The following CYP11A1 variants were observed in gnomAD, a reference collection of about 807,000 sequenced individuals.
CYP11A1 encodes cytochrome P450 family 11 subfamily A member 1, also known as cholesterol side-chain cleavage enzyme, mitochondrial.
Under a neutral mutation model 51.9 loss-of-function variants are expected in CYP11A1, and 25 were observed. The ratio of observed to expected loss-of-function variants is 0.48; its 90% CI spans 0.35 to 0.67. CYP11A1 has a LOEUF of 0.67. CYP11A1 is among the 30% of genes least tolerant of loss of function. CYP11A1 has a pLI of 0.00. For synonymous variants in CYP11A1, 245 were observed against 262.1 expected, an observed-to-expected ratio of 0.93 and a Z score of 0.63; for missense variants, 578 against 680.9, an observed-to-expected ratio of 0.85 and a Z score of 1.68.
intron 1 of CYP11A1, among the ~76,000 whole-genome samples, chr15:74,352,837 TAAAAATTGAGTACAGC>T (rs2060662245): frequency 6.6e-6 from 1 of 152,228 alleles, no homozygotes; most frequent in African/African-American, 2.4e-5. Flanking sequence ...TTGTTAAAAG[TAAAAATTGAGTACAGC>T]AAATGGGATA....
chr15:74,338,458 C>T (rs1330524785), intron 8 of CYP11A1, 113 bp downstream of exon 8: 11 of 1,106,386 alleles, frequency 9.9e-6, no homozygotes, highest in Non-Finnish European at 1.4e-5. Flanking sequence ...GAGGTAGATG[C>T]GCCCCAGCAC....
rs777744971 is a variant in CYP11A1 at position 74,342,986 on chromosome 15, C to T, written c.981G>A (p.Gly327=). Reference sequence around the variant, plus strand: ...CCTACAGCCACCTCACCGTGTCCACCCCTCCTGCCAGCATCTCTGTGACGT... The same window carrying T: ...CCTACAGCCACCTCACCGTGTCCACTCCTCCTGCCAGCATCTCTGTGACGT... ...KANVTEMLAG[G]VDTTSMTLQW... The change falls in exon 5 of 9, where the codon GGG becomes GGA. Residue 327 remains glycine (G), a synonymous_variant. Coordinates refer to ENST00000268053, the MANE Select transcript of CYP11A1 (RefSeq NM_000781.3). The T allele has an allele frequency of 3.7e-6, 6 of 1,612,260 alleles. No individual in the cohort carries two copies. The highest frequency in any genetic ancestry group is 1.1e-5 in the South Asian group (1 of 91,010).
At chr15:74,346,027 T>C (rs1336735908) in intron 2 of CYP11A1, among the ~76,000 whole-genome samples, 2 of 152,098 alleles carry the variant, frequency 1.3e-5, no homozygotes, top group African/African-American at 4.8e-5. Context: ...AAAGGTACTA[T>C]TACAAAATAT....
Position 74,338,531 on chromosome 15 carries a change from G to A in CYP11A1, c.1434+40C>T, listed in dbSNP as rs376136531. On this transcript the variant is annotated intron_variant, in intron 8 of 8. Coordinates refer to ENST00000268053, the MANE Select transcript of CYP11A1 (RefSeq NM_000781.3). Reference sequence around the variant, plus strand: ...AGATTGGTGCCTTCATTAGGGCCAGGGCCAGCCCAGGGTGCCTAGATGTCC... The same window carrying A: ...AGATTGGTGCCTTCATTAGGGCCAGAGCCAGCCCAGGGTGCCTAGATGTCC... 39 of 1,604,818 alleles carry A rather than the reference G, an allele frequency of 2.4e-5. No individual in the cohort carries two copies. In the African/African-American group the frequency reaches 4.4e-4, roughly 18 times the overall value.
At chr15:74,339,093 C>T in intron 7 of CYP11A1, 144 bp downstream of exon 7, 1 of 754,366 alleles carries the variant, frequency 1.3e-6, no homozygotes, top group East Asian at 2.7e-5. Flanking sequence ...GCCCACCATG[C>T]CCACCACCTC....
intron 1 of CYP11A1, chr15:74,361,884 T>C (rs1437328616): frequency 8.9e-7 from 1 of 1,121,486 alleles, no homozygotes; most frequent in East Asian, 2.4e-5. Context: ...CGGTTCCCAG[T>C]TTTTCATCTG....
At chr15:74,360,363 T>C (rs58102371) in intron 1 of CYP11A1, among the ~76,000 whole-genome samples, 4,015 of 151,798 alleles carry the variant, frequency 0.026, 184 homozygotes, top group African/African-American at 0.091. Flanking sequence ...TCACCCACAA[T>C]CTCCATCTCC....
rs535782968 is a variant in CYP11A1, at chr15:74,338,627, G to A, written c.1378C>T (p.Arg460Trp). Residue 460 changes from arginine (R) to tryptophan (W), a missense_variant, in exon 8 of 9, where the codon CGG becomes TGG. Arg to Trp is a moderately radical substitution (Grantham distance 101). Transcript: ENST00000268053. ...FRNLGFGWGV[R>W]QCLGRRIAEL... Reference sequence around the variant, plus strand: ...GCGATCCGCCGTCCCAGACACTGCCGCACACCCCAGCCAAAGCCCAAGTTC... The same window carrying A: ...GCGATCCGCCGTCCCAGACACTGCCACACACCCCAGCCAAAGCCCAAGTTC... 23 of 1,614,018 alleles carry A rather than the reference G, an allele frequency of 1.4e-5. No homozygotes were observed. Among genetic ancestry groups the A allele is most frequent in the Non-Finnish European group, 1.6e-5 (19 of 1,180,030 alleles).
Position 74,352,990 on chromosome 15 carries a change from G to A in CYP11A1, c.270-4935C>T, listed in dbSNP as rs2060662765. 2.0e-5 allele frequency among the ~76,000 whole-genome samples: 3 copies of A among 152,262 alleles called. No homozygotes were observed. In the South Asian group the frequency reaches 6.2e-4, roughly 32 times the overall value. On this transcript the variant is annotated intron_variant, in intron 1 of 8. Coordinates refer to ENST00000268053, the MANE Select transcript of CYP11A1 (RefSeq NM_000781.3). ...GGGGAAATATGTTTCTAAAATTGTG[G>A]AATTGTTCTTATCTATAAATGCCCA...
chr15:74,347,907 G>A lies in CYP11A1; in HGVS notation c.418C>T (p.Leu140=). The part of the protein sequence containing the change: ...HQYYQRPIGV[L]LKKSAAWKKD... ...AGATGGCCCAGGACTCACTTCAACA[G>A]GACTCCTATGGGTCTCTGGTAATAC... is the stretch of plus-strand genomic sequence containing the variant. The change falls in exon 2 of 9, where the codon CTG becomes TTG. Residue 140 remains leucine (L), a synonymous_variant. Coordinates refer to ENST00000268053, the MANE Select transcript of CYP11A1 (RefSeq NM_000781.3). The A allele has an allele frequency of 6.2e-7, 1 of 1,614,170 alleles. No homozygotes were observed. Among genetic ancestry groups the A allele is most frequent in the Non-Finnish European group, 8.5e-7 (1 of 1,180,010 alleles).
chr15:74,339,479 G>T, intron 6 of CYP11A1, 108 bp downstream of exon 6: 1 of 1,498,138 alleles, frequency 6.7e-7, no homozygotes, highest in Non-Finnish European at 9.2e-7. Flanking sequence ...TTCACTTCCT[G>T]CTTCCAACCT....
intron 7 of CYP11A1, 113 bp downstream of exon 7, chr15:74,339,124 A>G (rs1396158127): frequency 2.3e-6 from 2 of 878,664 alleles, no homozygotes; most frequent in South Asian, 1.4e-5. Context: ...TCAGACTTAG[A>G]CTGCTGCCAT....
In CYP11A1 at chr15:74,339,679, C is replaced by T. The variant is rs971869342; in HGVS notation, c.1065G>A (p.Glu355=). 3.7e-6 allele frequency: 6 copies of T among 1,614,166 alleles called. No homozygotes were observed. The highest frequency in any genetic ancestry group is 1.3e-5 in the African/African-American group (1 of 75,036). Residue 355 remains glutamate (E), a synonymous_variant, in exon 6 of 9, where the codon GAG becomes GAA. Transcript: ENST00000268053. ...GGGCCTGGTGCCGCGCAGCCAAGAC[C>T]TCTGCCCGCAGCATATCCTGCACCT... is the stretch of plus-strand genomic sequence containing the variant. ...NLKVQDMLRA[E]VLAARHQAQG...
At chr15:74,362,883 T>C (rs1168373145) in intron 1 of CYP11A1, 1 of 152,186 alleles carries the variant, frequency 6.6e-6, no homozygotes, top group African/African-American at 2.4e-5. Flanking sequence ...TGTAAGAAAC[T>C]TTAATGGTAG....
Position 74,366,458 on chromosome 15 carries a change from T to A in CYP11A1, c.269+859A>T, listed in dbSNP as rs1328535884. Among the ~76,000 whole-genome samples, 3 of 82,272 alleles carry A rather than the reference T, an allele frequency of 3.6e-5. No individual in the cohort carries two copies. The South Asian group carries it at 1.3e-3, about 36-fold the overall frequency. The allele number at this position is 82,272 out of a possible 152,430, so 54.0% of individuals were successfully genotyped here. Reference sequence around the variant, plus strand: ...GCCACCATGCCCGGCTAATTTTTTTTATTTTATTTATTTATTTATTTATTT... The same window carrying A: ...GCCACCATGCCCGGCTAATTTTTTTAATTTTATTTATTTATTTATTTATTT... On this transcript the variant is annotated intron_variant, in intron 1 of 8. Coordinates refer to ENST00000268053, the MANE Select transcript of CYP11A1 (RefSeq NM_000781.3).
chr15:74,367,557 G>A lies in CYP11A1; in HGVS notation c.29C>T (p.Ser10Leu). ...GGTCTGGCAGCCTTTGACCAGGACTGAGCGTGGGGGAAGACCCTTGGCCAG... is the reference window on the plus strand; with the variant it reads ...GGTCTGGCAGCCTTTGACCAGGACTAAGCGTGGGGGAAGACCCTTGGCCAG... The part of the protein sequence containing the change: MLAKGLPPR[S>L]VLVKGCQTFL... The change falls in exon 1 of 9, where the codon TCA becomes TTA. Residue 10 changes from serine to leucine, a missense_variant. Coordinates refer to ENST00000268053, the MANE Select transcript of CYP11A1 (RefSeq NM_000781.3). 6.2e-7 allele frequency: 1 copy of A among 1,614,106 alleles called. No homozygotes were observed. Among genetic ancestry groups the A allele is most frequent in the Non-Finnish European group, 8.5e-7 (1 of 1,180,018 alleles).
Position 74,345,344 on chromosome 15 carries a change from TCACAGCA to T in CYP11A1, c.426-108_426-102del. 7.6e-7 allele frequency: 1 copy of T among 1,309,934 alleles called. No homozygotes were observed. The highest frequency in any genetic ancestry group is 1.1e-6 in the Non-Finnish European group (1 of 921,882). 81.1% of individuals were successfully genotyped at this position (1,309,934 alleles called of 1,614,324 possible). ...TTTTCCCAGGAAGCTGAGTCACAGC[TCACAGCA>T]TCCAGCACTCCCACCAGGGCCTCTG... is the stretch of plus-strand genomic sequence containing the variant. On this transcript the variant is annotated intron_variant, in intron 2 of 8. Transcript: ENST00000268053. This position sits in a 1 kb window ranked among gnomAD's most constrained non-coding sequence, Gnocchi z 4.3.
Position 74,367,614 on chromosome 15 carries a change from C to T in CYP11A1, c.-29G>A. Reference sequence around the variant, plus strand: ...GTCCCCACAGCTGTGACTGTACCTGCTCCACTTCAGCGGGGACTGCTAGGA... The same window carrying T: ...GTCCCCACAGCTGTGACTGTACCTGTTCCACTTCAGCGGGGACTGCTAGGA... On this transcript the variant is annotated 5_prime_UTR_variant, in exon 1 of 9. Transcript: ENST00000268053. 1.9e-6 allele frequency: 3 copies of T among 1,610,270 alleles called. No individual in the cohort carries two copies. Among genetic ancestry groups the T allele is most frequent in the Non-Finnish European group, 2.5e-6 (3 of 1,178,758 alleles).
intron 1 of CYP11A1, among the ~76,000 whole-genome samples, chr15:74,352,018 A>T (rs1349870732): frequency 6.6e-6 from 1 of 152,184 alleles, no homozygotes; most frequent in Non-Finnish European, 1.5e-5. Context: ...ATGTGTGTGT[A>T]TACATGTCTA....
Sources: allele counts gnomAD v4.1 joint callset (sites outside exome capture counted in the v4.1 genomes callset), GRCh38; gene constraint gnomAD v4.1.1; non-coding constraint Gnocchi (gnomAD v3.1); transcripts MANE v1.5; gene names NCBI Gene and HGNC (gene_info 2026-07-23, HGNC 2026-07-21).